Variants in NRP1 observed in about 807,000 individuals in gnomAD.
NRP1 encodes neuropilin 1.
NRP1 carries 35 observed loss-of-function variants against 106.7 expected under a neutral mutation model. The observed-to-expected ratio is 0.33, with a 90% confidence interval of 0.25 to 0.43. NRP1 has a LOEUF of 0.43. Ranked by LOEUF, NRP1 falls within the 20% of genes least tolerant of loss-of-function variation. The probability of loss-of-function intolerance (pLI) is 1.00; values close to 1 mark genes in which losing one functional copy is unlikely to be tolerated. For synonymous variants in NRP1, 437 were observed against 417.9 expected (o/e 1.05, Z -0.56); for missense variants, 1,024 against 1,170.4 (o/e 0.87, Z 1.83).
At chr10:33,235,539 G>A (rs1278085783) in intron 6 of NRP1, among the ~76,000 whole-genome samples, 1 of 152,230 alleles carries the variant, frequency 6.6e-6, no homozygotes, top group Non-Finnish European at 1.5e-5. Flanking sequence ...AATATGAGAA[G>A]ACAGTCTTCA....
chr10:33,281,642 C>G (rs2133375508), intron 2 of NRP1, among the ~76,000 whole-genome samples: 1 of 152,288 alleles, frequency 6.6e-6, no homozygotes, highest in East Asian at 1.9e-4. Context: ...CACACTGCCA[C>G]TGACTTGTGC....
chr10:33,201,678 T>A (rs1053050980), intron 11 of NRP1: 2 of 152,224 alleles, frequency 1.3e-5, no homozygotes, highest in Non-Finnish European at 2.9e-5. Flanking sequence ...CAAAAGCTCA[T>A]AGCAATGTGA....
intron 2 of NRP1, among the ~76,000 whole-genome samples, chr10:33,271,910 T>C (rs552981682): frequency 5.3e-5 from 8 of 152,372 alleles, no homozygotes; most frequent in African/African-American, 1.7e-4. Context: ...ATTTTTCTTC[T>C]TGAAATGACA....
chr10:33,253,444 A>T (rs146682213), intron 6 of NRP1, among the ~76,000 whole-genome samples: 1 of 152,198 alleles, frequency 6.6e-6, no homozygotes, highest in African/African-American at 2.4e-5. Flanking sequence ...TGTACATTTC[A>T]TGCCTAAACA....
chr10:33,310,110 G>A (rs1846474368), intron 2 of NRP1, among the ~76,000 whole-genome samples: 1 of 151,654 alleles, frequency 6.6e-6, no homozygotes, highest in Non-Finnish European at 1.5e-5. Context: ...ACCACGCCCG[G>A]CTAATTTTTT....
chr10:33,183,394 GA>G (rs1388993474), intron 15 of NRP1, among the ~76,000 whole-genome samples: 1 of 151,752 alleles, frequency 6.6e-6, no homozygotes, highest in Non-Finnish European at 1.5e-5. Context: ...CTGAAATGTG[GA>G]AAAAAATCTG....
chr10:33,252,373 T>C (rs1477780211), intron 6 of NRP1, among the ~76,000 whole-genome samples: 1 of 152,146 alleles, frequency 6.6e-6, no homozygotes, highest in Non-Finnish European at 1.5e-5. Context: ...GGGGGTCTAA[T>C]TGAGCTGGTG....
chr10:33,227,091 G>A (rs1839735414), intron 6 of NRP1, among the ~76,000 whole-genome samples: 1 of 152,154 alleles, frequency 6.6e-6, no homozygotes, highest in African/African-American at 2.4e-5. Context: ...GGTTCCCATT[G>A]TTAGGAAGGC....
intron 6 of NRP1, among the ~76,000 whole-genome samples, chr10:33,251,393 C>G (rs1254907655): frequency 2.0e-5 from 3 of 150,866 alleles, no homozygotes. Context: ...GGTGTGAGAA[C>G]AGACTAATAC....
At chr10:33,249,842 C>G (rs189369890) in intron 6 of NRP1, among the ~76,000 whole-genome samples, 1 of 151,936 alleles carries the variant, frequency 6.6e-6, no homozygotes, top group African/African-American at 2.4e-5. Context: ...TGGCAGACAA[C>G]GGATCTCACA....
intron 7 of NRP1, among the ~76,000 whole-genome samples, chr10:33,223,494 G>T (rs991734050): frequency 6.6e-6 from 1 of 151,944 alleles, no homozygotes; most frequent in African/African-American, 2.4e-5. Flanking sequence ...GTATGGTGGT[G>T]GTGCATGCCT....
intron 2 of NRP1, among the ~76,000 whole-genome samples, chr10:33,282,242 A>G (rs1167975504): frequency 6.6e-6 from 1 of 152,204 alleles, no homozygotes; most frequent in Admixed American, 6.5e-5. Flanking sequence ...ATTTGCTCAA[A>G]AAGCCCCCTT....
At chr10:33,276,092 G>A (rs555991257) in intron 2 of NRP1, among the ~76,000 whole-genome samples, 1 of 152,228 alleles carries the variant, frequency 6.6e-6, no homozygotes, top group African/African-American at 2.4e-5. Flanking sequence ...CCATTAATTG[G>A]TTATCTCTGG....
intron 1 of NRP1, among the ~76,000 whole-genome samples, chr10:33,334,071 G>T (rs958506563): frequency 6.6e-6 from 1 of 152,210 alleles, no homozygotes; most frequent in East Asian, 1.9e-4. Flanking sequence ...TGTAACAGAG[G>T]TAAGGAAAAG....
intron 11 of NRP1, chr10:33,202,481 A>C: frequency 1.2e-6 from 1 of 820,572 alleles, no homozygotes; most frequent in Non-Finnish European, 1.8e-6. Context: ...TGGATAAAGG[A>C]TCCACTCAAA....
chr10:33,281,836 A>C (rs1844156200), intron 2 of NRP1, among the ~76,000 whole-genome samples: 1 of 152,210 alleles, frequency 6.6e-6, no homozygotes, highest in South Asian at 2.1e-4. Context: ...GAGAGAGACA[A>C]ATACATAGAG....
At chr10:33,255,430 T>C (rs1299151939) in intron 5 of NRP1, among the ~76,000 whole-genome samples, 1 of 152,194 alleles carries the variant, frequency 6.6e-6, no homozygotes, top group Admixed American at 6.5e-5. Context: ...AGCTGATAAT[T>C]GCACAAACAA....
rs201288994 is a variant in NRP1, at chr10:33,197,676, G to A, written c.1898C>T (p.Thr633Met). Residue 633 changes from threonine (T) to methionine (M), a missense_variant, in exon 12 of 17, where the codon ACG becomes ATG. Physicochemically the swap from Thr to Met is moderately conservative, Grantham distance 81 (BLOSUM62 -1). This residue lies in a region of NRP1 where 562 missense variants were observed against 620.3 expected (regional missense o/e 0.91). Transcript: ENST00000374867. ...TGATTGTATGGTGCTGTCTATGACC[G>A]TGGGCTTTTCTGTGGCCAGCACAGT... ...GTTVLATEKPTVIDSTIQSEF... is the reference protein window; with the variant it reads ...GTTVLATEKPMVIDSTIQSEF... 9.9e-5 allele frequency: 159 copies of A among 1,604,628 alleles called. 1 individual carries two copies. Among genetic ancestry groups the A allele is most frequent in the Non-Finnish European group, 1.2e-4 (143 of 1,175,246 alleles).
intron 2 of NRP1, among the ~76,000 whole-genome samples, chr10:33,275,458 C>T (rs1843617169): frequency 6.6e-6 from 1 of 152,126 alleles, no homozygotes; most frequent in South Asian, 2.1e-4. Context: ...GTGCCAGCTA[C>T]TCGGGAGGCT....
Sources: allele counts gnomAD v4.1 joint callset (sites outside exome capture counted in the v4.1 genomes callset), GRCh38; gene constraint gnomAD v4.1.1; regional missense constraint gnomAD v4.1.1; transcripts MANE v1.5; gene names NCBI Gene and HGNC (gene_info 2026-07-23, HGNC 2026-07-21).